The following FYB1 variants were observed in gnomAD, a reference collection of about 807,000 sequenced individuals.
FYB1 encodes the protein FYN binding protein 1.
Under a neutral mutation model 94.1 loss-of-function variants are expected in FYB1, and 41 were observed. The ratio of observed to expected loss-of-function variants is 0.44; its 90% CI spans 0.34 to 0.57. The LOEUF is 0.57. Among genes scored for constraint, FYB1 ranks in the 20% least tolerant of loss-of-function variants. The probability of loss-of-function intolerance (pLI) is 0.02; values close to 1 mark genes in which losing one functional copy is unlikely to be tolerated. For missense variants in FYB1, 1,050 were observed against 976.8 expected (o/e 1.07, Z -1.00); for synonymous variants, 367 against 353.2 (o/e 1.04, Z -0.44).
intron 2 of FYB1, among the ~76,000 whole-genome samples, chr5:39,162,248 G>A (rs1744319621): frequency 6.6e-6 from 1 of 152,016 alleles, no homozygotes; most frequent in African/African-American, 2.4e-5. Context: ...GAGGAACTCT[G>A]GATTGTTGCT....
upstream of FYB1, among the ~76,000 whole-genome samples, chr5:39,220,777 A>T (rs1750212739): frequency 6.6e-6 from 1 of 152,214 alleles, no homozygotes; most frequent in Non-Finnish European, 1.5e-5. Context: ...CCCTTCTTAT[A>T]GAGTAGTAGG....
intron 1 of FYB1, among the ~76,000 whole-genome samples, chr5:39,253,002 T>G (rs936070596): frequency 2.0e-5 from 3 of 152,214 alleles, no homozygotes; most frequent in African/African-American, 7.2e-5. Context: ...AATACAAAGT[T>G]TAAAAAGTGA....
chr5:39,207,031 A>T (rs1561266552), intron 1 of FYB1, among the ~76,000 whole-genome samples: 17 of 152,138 alleles, frequency 1.1e-4, no homozygotes. Flanking sequence ...TAGTTGGATC[A>T]TATTGGTGCG....
intron 2 of FYB1, among the ~76,000 whole-genome samples, chr5:39,201,538 A>G (rs569827551): frequency 6.6e-6 from 1 of 152,318 alleles, no homozygotes; most frequent in South Asian, 2.1e-4. Flanking sequence ...GGAAGTAAAT[A>G]CAATGGTTAT....
chr5:39,108,911 G>A (rs964008039), intron 17 of FYB1, among the ~76,000 whole-genome samples: 3 of 151,860 alleles, frequency 2.0e-5, no homozygotes, highest in Non-Finnish European at 2.9e-5. Context: ...TTTTCTATCC[G>A]ACAAACATAC....
intron 3 of FYB1, among the ~76,000 whole-genome samples, chr5:39,149,680 A>G (rs1743075798): frequency 6.6e-6 from 1 of 152,042 alleles, no homozygotes; most frequent in Non-Finnish European, 1.5e-5. Flanking sequence ...CTTCCCCTGC[A>G]CTGACCTCCA....
chr5:39,259,991 C>T (rs909957760), intron 1 of FYB1, among the ~76,000 whole-genome samples: 3 of 151,330 alleles, frequency 2.0e-5, no homozygotes, highest in Admixed American at 6.6e-5. Flanking sequence ...TCAACACATA[C>T]GAAAAAAAGT....
rs112680138 is a variant in FYB1 at position 39,115,666 on chromosome 5, A to T, written c.2401+3208T>A. Among the ~76,000 whole-genome samples the T allele has an allele frequency of 9.8e-5, 15 of 152,298 alleles. 1 individual carries two copies. The highest frequency in any genetic ancestry group is 3.6e-4 in the African/African-American group (15 of 41,554). ...TAAAAAATCTTATAGAGGTGTGCCA[A>T]GAATGAATTAGCTATTTTTAAAAAT... On this transcript the variant is annotated intron_variant, in intron 16 of 18. Transcript: ENST00000512982.
intron 1 of FYB1, among the ~76,000 whole-genome samples, chr5:39,256,194 G>C (rs995506056): frequency 6.6e-6 from 1 of 152,118 alleles, no homozygotes; most frequent in African/African-American, 2.4e-5. Flanking sequence ...GCCCAAGAAG[G>C]CATTTTTTCC....
rs185186125 is a variant in FYB1, at chr5:39,214,764, C to A, written c.-28+4679G>T. Among the ~76,000 whole-genome samples the A allele has an allele frequency of 3.3e-5, 5 of 152,208 alleles. No individual in the cohort carries two copies. The East Asian group carries it at 9.7e-4, about 29-fold the overall frequency. On this transcript the variant is annotated intron_variant, in intron 1 of 18. Transcript: ENST00000512982. The stretch of plus-strand genomic sequence containing the variant: ...CCAACATGGTGAAAACCCATCTCTA[C>A]TAAAAATACAAAAATTAGCCAGGCA...
At chr5:39,245,156 T>A (rs1328050655) in intron 1 of FYB1, among the ~76,000 whole-genome samples, 5 of 151,808 alleles carry the variant, frequency 3.3e-5, no homozygotes, top group Non-Finnish European at 7.4e-5. Context: ...TAAAAAAAAG[T>A]GTGTGTGTAG....
intron 2 of FYB1, among the ~76,000 whole-genome samples, chr5:39,185,889 C>T (rs1746738669): frequency 6.6e-6 from 1 of 151,940 alleles, no homozygotes; most frequent in Admixed American, 6.6e-5. Flanking sequence ...GAAGCAGGGA[C>T]AGCCGGGCAC....
intron 2 of FYB1, among the ~76,000 whole-genome samples, chr5:39,181,744 TC>T (rs2150425684): frequency 2.0e-5 from 3 of 152,336 alleles, no homozygotes; most frequent in Admixed American, 2.0e-4. Context: ...CTCATTCTCA[TC>T]CACACAACCA....
chr5:39,127,798 G>A lies in FYB1; in HGVS notation c.1850C>T (p.Pro617Leu), dbSNP rs775783381. Residue 617 changes from proline (P) to leucine (L), a missense_variant, in exon 11 of 19, where the codon CCT becomes CTT. By Grantham distance (98) the Pro-to-Leu change is moderately conservative. Transcript: ENST00000512982. ...ATAAATGTCATCATCTGGTGGTGGA[G>A]GGAATATCCCTTCATTTGGATTGGA... ...HSQSGSGGIF[P>L]PPPDDDIYDG... The A allele has an allele frequency of 3.7e-6, 6 of 1,602,438 alleles. No homozygotes were observed. The Admixed American group carries it at 6.9e-5, about 18-fold the overall frequency.
chr5:39,207,068 A>G (rs1186264334), intron 1 of FYB1, among the ~76,000 whole-genome samples: 1 of 152,090 alleles, frequency 6.6e-6, no homozygotes, highest in Non-Finnish European at 1.5e-5. Flanking sequence ...TTTTTAACTT[A>G]CTGATATCAA....
chr5:39,171,151 G>A (rs1299571587), intron 2 of FYB1, among the ~76,000 whole-genome samples: 1 of 151,954 alleles, frequency 6.6e-6, no homozygotes, highest in Non-Finnish European at 1.5e-5. Context: ...TTAGCTGGAT[G>A]TGGTAGCACA....
intron 1 of FYB1, among the ~76,000 whole-genome samples, chr5:39,259,161 T>C (rs937141712): frequency 2.6e-5 from 4 of 152,194 alleles, no homozygotes; most frequent in Admixed American, 2.0e-4. Flanking sequence ...TGCTGTCTAG[T>C]TGGTAGAGAC....
intron 1 of FYB1, among the ~76,000 whole-genome samples, chr5:39,263,200 C>T (rs969675176): frequency 6.6e-6 from 1 of 151,892 alleles, no homozygotes; most frequent in Non-Finnish European, 1.5e-5. Context: ...ACTGGAGCCC[C>T]ATGCCTACCC....
At chr5:39,135,091 T>C in intron 7 of FYB1, 77 bp from the exon 8 acceptor site, 4 of 1,496,582 alleles carry the variant, frequency 2.7e-6, no homozygotes, top group Non-Finnish European at 2.7e-6. Context: ...TTTTGAAAGA[T>C]ATAAGTCTAC....
Sources: allele counts gnomAD v4.1 joint callset (sites outside exome capture counted in the v4.1 genomes callset), GRCh38; gene constraint gnomAD v4.1.1; transcripts MANE v1.5; gene names NCBI Gene and HGNC (gene_info 2026-07-23, HGNC 2026-07-21).